The following PACSIN1 variants were observed in gnomAD, a reference collection of about 807,000 sequenced individuals.
PACSIN1 encodes the protein protein kinase C and casein kinase substrate in neurons protein 1.
PACSIN1 carries 15 observed loss-of-function variants against 59.5 expected under a neutral mutation model. The observed-to-expected ratio is 0.25, with a 90% CI of 0.17 to 0.39. The LOEUF (loss-of-function observed/expected upper bound fraction) is 0.39, where lower values mean the gene tolerates loss of function less well. PACSIN1 is among the 10% of genes least tolerant of loss of function. PACSIN1 has a pLI of 1.00. For synonymous variants in PACSIN1, 210 were observed against 220.6 expected (o/e 0.95, Z 0.42); for missense variants, 420 against 580.2 (o/e 0.72, Z 2.84).
rs61324041 is a variant in PACSIN1 at position 34,467,553 on chromosome 6, CTTT to C, written c.-64+1303_-64+1305del. ...GGTGGTTCTCTTTAGTAGGCCCTTC[CTTT>C]TTTTTTTTTTTTTTTTTTTGAGAGA... On this transcript the variant is annotated intron_variant, in intron 1 of 9. Transcript: ENST00000244458. Among the ~76,000 whole-genome samples, 319 of 90,794 alleles carry C rather than the reference CTTT, an allele frequency of 3.5e-3. 1 individual carries two copies. Among genetic ancestry groups the C allele is most frequent in the African/African-American group, 0.013 (300 of 23,538 alleles). 59.6% of individuals were successfully genotyped at this position (90,794 alleles called of 152,430 possible). A position where few individuals can be genotyped will look rare whatever the true frequency, so the allele number is the denominator to read the frequency against.
In PACSIN1 at chr6:34,485,860, C is replaced by T. The variant is rs1766785971; in HGVS notation, c.-64+19590C>T. ...ATTGGAGACTGGCCATGGGGGTCAG[C>T]AGTGGCTGGGGAGGGCCAGAGGCCA... On this transcript the variant is annotated intron_variant, in intron 1 of 9. Transcript: ENST00000244458. 2.0e-5 allele frequency among the ~76,000 whole-genome samples: 3 copies of T among 152,076 alleles called. No individual in the cohort carries two copies. In the South Asian group the frequency reaches 6.2e-4, roughly 32 times the overall value.
chr6:34,518,589 TGC>T lies in PACSIN1; in HGVS notation c.-63-7653_-63-7652del. ...AATGACACAGGGAGACAAAAAAGGG[TGC>T]TTTACCAAGCAAGTTACCACTGCGG... On this transcript the variant is annotated intron_variant, in intron 1 of 9. Transcript: ENST00000244458. The surrounding 1 kb of genome is among the most constrained non-coding windows in gnomAD (Gnocchi z 4.4). Among the ~76,000 whole-genome samples the T allele has an allele frequency of 6.6e-6, 1 of 152,152 alleles. No individual in the cohort carries two copies. The highest frequency in any genetic ancestry group is 1.9e-4 in the East Asian group (1 of 5,180).
intron 1 of PACSIN1, among the ~76,000 whole-genome samples, chr6:34,520,536 T>A (rs1767370841): frequency 6.6e-6 from 1 of 152,176 alleles, no homozygotes; most frequent in African/African-American, 2.4e-5. Context: ...GGACAAGTTA[T>A]CTAACTTCTC....
At chr6:34,528,481 GT>G (rs1403483799) in intron 3 of PACSIN1, among the ~76,000 whole-genome samples, 160 bp from the exon 4 acceptor site, 1 of 152,218 alleles carries the variant, frequency 6.6e-6, no homozygotes, top group African/African-American at 2.4e-5. Flanking sequence ...CTTCCTGGAG[GT>G]GGTGGCTGAT....
At chr6:34,507,952 G>A (rs1234333395) in intron 1 of PACSIN1, among the ~76,000 whole-genome samples, 1 of 152,150 alleles carries the variant, frequency 6.6e-6, no homozygotes, top group African/African-American at 2.4e-5. Context: ...TTCATCCATT[G>A]ATGGATATTT....
chr6:34,483,024 A>T, intron 1 of PACSIN1, among the ~76,000 whole-genome samples: 1 of 132,376 alleles, frequency 7.6e-6, no homozygotes, highest in Non-Finnish European at 1.5e-5. Context: ...TTTTTTTTGA[A>T]ACAAGGTCTC....
intron 1 of PACSIN1, among the ~76,000 whole-genome samples, chr6:34,490,548 C>G (rs75489661): frequency 0.073 from 11,086 of 152,130 alleles, 425 homozygotes; most frequent in African/African-American, 0.1. Context: ...TTCTGATGAC[C>G]GAGCGCCGCC....
intron 1 of PACSIN1, among the ~76,000 whole-genome samples, chr6:34,480,626 A>G (rs1334798842): frequency 6.6e-6 from 1 of 151,538 alleles, no homozygotes; most frequent in Non-Finnish European, 1.5e-5. Flanking sequence ...ATTTGTGTCT[A>G]CTGTGAAAAG....
chr6:34,530,595 C>T lies in PACSIN1; in HGVS notation c.1037+8C>T, dbSNP rs1204743082. The T allele has an allele frequency of 1.0e-5, 16 of 1,551,686 alleles. No individual in the cohort carries two copies. Among genetic ancestry groups the T allele is most frequent in the African/African-American group, 1.4e-5 (1 of 72,400 alleles). Reference sequence around the variant, plus strand: ...GGCTGGGGACCGCGGCAGGTGAGTGCCTCCTGTGGAGCTTCCTGGGGCCAA... The same window carrying T: ...GGCTGGGGACCGCGGCAGGTGAGTGTCTCCTGTGGAGCTTCCTGGGGCCAA... On this transcript the variant is annotated splice_region_variant and intron_variant, in intron 8 of 9. Coordinates refer to ENST00000244458, the MANE Select transcript of PACSIN1 (RefSeq NM_020804.5). The surrounding 1 kb of genome is among the most constrained non-coding windows in gnomAD (Gnocchi z 4.4).
At chr6:34,509,231 A>T (rs868731441) in intron 1 of PACSIN1, among the ~76,000 whole-genome samples, 11 of 152,198 alleles carry the variant, frequency 7.2e-5, no homozygotes, top group African/African-American at 2.7e-4. Flanking sequence ...TTTTGCATGT[A>T]GAAAGCAGTT....
rs939681902 is a variant in PACSIN1, at chr6:34,501,874, CA to C, written c.-63-24361del. 1.4e-4 allele frequency among the ~76,000 whole-genome samples: 21 copies of C among 151,494 alleles called. No homozygotes were observed. The East Asian group carries it at 2.5e-3, about 18-fold the overall frequency. On this transcript the variant is annotated intron_variant, in intron 1 of 9. Coordinates refer to ENST00000244458, the MANE Select transcript of PACSIN1 (RefSeq NM_020804.5). ...TGAAACCCCATCTCTACTAAAAATA[CA>C]AAAAAAATTAGCCAGGTGTGGTGGC...
Position 34,484,060 on chromosome 6 carries a change from G to A in PACSIN1, c.-64+17790G>A, listed in dbSNP as rs906839146. Among the ~76,000 whole-genome samples the A allele has an allele frequency of 3.3e-5, 5 of 152,142 alleles. No individual in the cohort carries two copies. The East Asian group carries it at 9.7e-4, about 29-fold the overall frequency. On this transcript the variant is annotated intron_variant, in intron 1 of 9. Coordinates refer to ENST00000244458, the MANE Select transcript of PACSIN1 (RefSeq NM_020804.5). ...GTGGCACCTGGACAGATTGTCCATG[G>A]TCAAATTTGGGAAATTTACTTTTGG...
chr6:34,498,281 C>T (rs1220492234), intron 1 of PACSIN1, among the ~76,000 whole-genome samples: 4 of 152,008 alleles, frequency 2.6e-5, no homozygotes, highest in South Asian at 4.1e-4. Context: ...AGGCTGGTCT[C>T]GATCTCCTGA....
chr6:34,528,893 TG>T lies in PACSIN1; in HGVS notation c.456+17del. The T allele has an allele frequency of 2.2e-6, 1 of 451,850 alleles. No homozygotes were observed. The highest frequency in any genetic ancestry group is 4.2e-6 in the Non-Finnish European group (1 of 240,610). 28.0% of individuals were successfully genotyped at this position (451,850 alleles called of 1,614,324 possible). On this transcript the variant is annotated intron_variant, in intron 4 of 9. Transcript: ENST00000244458. ...GATGAAGGAGGTGCTCAGTGGGTGC[TG>T]CCACGGGCGGGGTGGGGTGGGCCCG...
At position 34,529,879 on chromosome 6, in the gene PACSIN1, G is replaced by A. The variant is rs1166017325; in HGVS notation, c.788+38G>A. 8 of 1,596,362 alleles carry A rather than the reference G, an allele frequency of 5.0e-6. No homozygotes were observed. The Admixed American group carries it at 5.1e-5, about 10-fold the overall frequency. ...GGCAGGCACCGAGGGCACAGGCACA[G>A]CCAGCAGATGGTGTGACTGGCATGC... On this transcript the variant is annotated intron_variant, in intron 6 of 9. Coordinates refer to ENST00000244458, the MANE Select transcript of PACSIN1 (RefSeq NM_020804.5). The surrounding 1 kb of genome is among the most constrained non-coding windows in gnomAD (Gnocchi z 6.3).
chr6:34,531,669 T>C lies in PACSIN1; in HGVS notation c.1107T>C (p.Phe369=). 1.9e-6 allele frequency: 3 copies of C among 1,613,790 alleles called. No homozygotes were observed. The highest frequency in any genetic ancestry group is 2.5e-6 in the Non-Finnish European group (3 of 1,179,978). Reference sequence around the variant, plus strand: ...CAGACGACGAGAGTGGGAACCCCTTTGGGGGCAGTGAGACCAACGGGGGCG... The same window carrying C: ...CAGACGACGAGAGTGGGAACCCCTTCGGGGGCAGTGAGACCAACGGGGGCG... The part of the protein sequence containing the change: ...EWSDDESGNP[F]GGSETNGGAN... Residue 369 remains phenylalanine (F), a synonymous_variant, in exon 9 of 10, where the codon TTT becomes TTC. Coordinates refer to ENST00000244458, the MANE Select transcript of PACSIN1 (RefSeq NM_020804.5). The surrounding 1 kb of genome is among the most constrained non-coding windows in gnomAD (Gnocchi z 4.4).
At chr6:34,507,613 A>G (rs1358555081) in intron 1 of PACSIN1, among the ~76,000 whole-genome samples, 1 of 152,038 alleles carries the variant, frequency 6.6e-6, no homozygotes, top group Non-Finnish European at 1.5e-5. Context: ...AATGTACAAT[A>G]TTAACTACAG....
At chr6:34,504,350 G>C (rs1274299324) in intron 1 of PACSIN1, among the ~76,000 whole-genome samples, 1 of 149,826 alleles carries the variant, frequency 6.7e-6, no homozygotes, top group Non-Finnish European at 1.5e-5. Flanking sequence ...GGAGTGCAGT[G>C]GTGCGATCTA....
intron 1 of PACSIN1, among the ~76,000 whole-genome samples, chr6:34,496,204 C>G (rs972161959): frequency 4.6e-5 from 7 of 152,204 alleles, no homozygotes; most frequent in Non-Finnish European, 7.3e-5. Flanking sequence ...AAGCCTTGGT[C>G]ACAATGGCTC....
Sources: allele counts gnomAD v4.1 joint callset (sites outside exome capture counted in the v4.1 genomes callset), GRCh38; gene constraint gnomAD v4.1.1; non-coding constraint Gnocchi (gnomAD v3.1); transcripts MANE v1.5; gene names NCBI Gene and HGNC (gene_info 2026-07-23, HGNC 2026-07-21).